The following HMCN1 variants were observed in gnomAD, a reference collection of about 807,000 sequenced individuals.
HMCN1 encodes the protein hemicentin 1.
Under a neutral mutation model 625.9 loss-of-function variants are expected in HMCN1, and 321 were observed. The observed-to-expected ratio is 0.51, with a 90% CI of 0.47 to 0.56. The LOEUF (loss-of-function observed/expected upper bound fraction) is 0.56. HMCN1 is among the 20% of genes least tolerant of loss of function. HMCN1 has a pLI of 0.00. For synonymous variants in HMCN1, 2,425 were observed against 2,417.6 expected (o/e 1.00, Z -0.09); for missense variants, 6,588 against 6,887.3 (o/e 0.96, Z 1.54).
Position 185,923,672 on chromosome 1 carries a change from C to T in HMCN1, c.1285+19C>T. The stretch of plus-strand genomic sequence containing the variant: ...GTCCCAGGTGAGACATCATTTTATT[C>T]AACATTGAAATATTGACAGTTTAAG... On this transcript the variant is annotated intron_variant, in intron 8 of 106. Coordinates refer to ENST00000271588, the MANE Select transcript of HMCN1 (RefSeq NM_031935.3). 1.3e-6 allele frequency: 2 copies of T among 1,581,192 alleles called. No homozygotes were observed. Among genetic ancestry groups the T allele is most frequent in the Non-Finnish European group, 1.7e-6 (2 of 1,160,554 alleles).
intron 79 of HMCN1, 58 bp downstream of exon 79, chr1:186,119,940 G>A (rs2891230): frequency 0.34 from 555,276 of 1,613,322 alleles, 98,937 homozygotes; most frequent in Admixed American, 0.53. Context: ...TTTATAATTC[G>A]AATCAGCATG....
At chr1:185,763,386 G>T (rs989299985) in intron 1 of HMCN1, among the ~76,000 whole-genome samples, 1 of 152,162 alleles carries the variant, frequency 6.6e-6, no homozygotes, top group Non-Finnish European at 1.5e-5. Flanking sequence ...TTGCTGAAAG[G>T]ATCCACTTGA....
intron 52 of HMCN1, among the ~76,000 whole-genome samples, chr1:186,072,454 G>T (rs1281755160): frequency 6.6e-6 from 1 of 152,076 alleles, no homozygotes; most frequent in South Asian, 2.1e-4. Flanking sequence ...TGTTTTAAAT[G>T]CAGGGAATAC....
intron 82 of HMCN1, 27 bp downstream of exon 82, chr1:186,125,821 C>T: frequency 6.4e-7 from 1 of 1,556,080 alleles, no homozygotes; most frequent in Non-Finnish European, 8.9e-7. Context: ...TGAACAGATA[C>T]ATTAAGCCAG....
At chr1:186,105,708 T>A (rs1456873788) in intron 69 of HMCN1, among the ~76,000 whole-genome samples, 1 of 152,192 alleles carries the variant, frequency 6.6e-6, no homozygotes, top group Admixed American at 6.5e-5. Flanking sequence ...AGAAACTAAC[T>A]ACAGGTGATG....
intron 97 of HMCN1, among the ~76,000 whole-genome samples, chr1:186,159,006 A>G (rs1186176645): frequency 9.2e-5 from 14 of 151,810 alleles, no homozygotes; most frequent in Middle Eastern, 3.4e-3. Flanking sequence ...CATCGAATCT[A>G]TAAATTACCT....
chr1:185,948,889 A>G (rs1188388817), intron 11 of HMCN1, among the ~76,000 whole-genome samples: 2 of 151,638 alleles, frequency 1.3e-5, no homozygotes, highest in Non-Finnish European at 2.9e-5. Flanking sequence ...AGAGTGGGAG[A>G]GATTAAGCTG....
chr1:185,928,009 A>G (rs1394745539), intron 9 of HMCN1, among the ~76,000 whole-genome samples: 4 of 152,090 alleles, frequency 2.6e-5, no homozygotes, highest in African/African-American at 9.7e-5. Flanking sequence ...TAACTATAAA[A>G]CTGATCATTT....
chr1:186,112,790 T>C (rs1165121945), intron 71 of HMCN1, 22 bp from the exon 72 acceptor site: 39 of 1,613,902 alleles, frequency 2.4e-5, no homozygotes, highest in Non-Finnish European at 3.2e-5. Context: ...TAACGGCAAA[T>C]TTCTTTACTT....
At chr1:185,736,043 C>T (rs900917304) in intron 1 of HMCN1, among the ~76,000 whole-genome samples, 3 of 152,214 alleles carry the variant, frequency 2.0e-5, no homozygotes, top group African/African-American at 7.2e-5. Context: ...CTCTTCACAA[C>T]GAGAGTGTGA....
At position 186,178,470 on chromosome 1, in the gene HMCN1, C is replaced by G. The variant is rs764282915; in HGVS notation, c.15998C>G (p.Thr5333Ser). The G allele has an allele frequency of 5.0e-6, 8 of 1,613,998 alleles. No individual in the cohort carries two copies. In the Middle Eastern group the frequency reaches 5.0e-4, roughly 100 times the overall value. ...PKPCAHQCSN[T>S]PGSFKCICPP... is the part of the protein sequence containing the mutation. Reference sequence around the variant, plus strand: ...CCTTGTGCACATCAGTGCTCCAACACCCCCGGCAGCTTCAAGTGTATCTGT... The same window carrying G: ...CCTTGTGCACATCAGTGCTCCAACAGCCCCGGCAGCTTCAAGTGTATCTGT... The change falls in exon 104 of 107, where the codon ACC becomes AGC. Residue 5333 changes from threonine (T) to serine (S), a missense_variant. Coordinates refer to ENST00000271588, the MANE Select transcript of HMCN1 (RefSeq NM_031935.3).
rs369300295 is a variant in HMCN1 at position 186,088,161 on chromosome 1, A to T, written c.9462A>T (p.Glu3154Asp). The T allele has an allele frequency of 4.8e-5, 78 of 1,609,564 alleles. No individual in the cohort carries two copies. The highest frequency in any genetic ancestry group is 6.4e-5 in the Non-Finnish European group (75 of 1,177,534). The change falls in exon 62 of 107, where the codon GAA becomes GAT. Residue 3154 changes from glutamate (E) to aspartate (D), a missense_variant. By Grantham distance (45) the Glu-to-Asp change is conservative (BLOSUM62 2). Around this residue, in one of 3 missense-constraint regions of HMCN1, gnomAD observed 4,628 missense variants for 4,853.1 expected, o/e 0.95. Coordinates refer to ENST00000271588, the MANE Select transcript of HMCN1 (RefSeq NM_031935.3). ...HLNVYVPPSI[E>D]GPEREVIVET... is the part of the protein sequence containing the mutation. ...TTTTTACAGTGCCACCCAGTATTGA[A>T]GGACCTGAAAGAGAAGTGATTGTGG...
intron 97 of HMCN1, among the ~76,000 whole-genome samples, chr1:186,159,816 G>A (rs934810673): frequency 5.3e-5 from 8 of 152,106 alleles, no homozygotes; most frequent in East Asian, 3.8e-4. Context: ...TGCTGGATTC[G>A]GTTTGCCAGT....
intron 48 of HMCN1, among the ~76,000 whole-genome samples, chr1:186,063,060 G>GCA (rs1292269616): frequency 5.2e-4 from 40 of 76,422 alleles, no homozygotes; most frequent in African/African-American, 2.5e-3. Flanking sequence ...GTGTGTGTGT[G>GCA]TGTGTGCATA....
At chr1:186,060,204 T>C (rs187694634) in intron 46 of HMCN1, among the ~76,000 whole-genome samples, 4 of 152,174 alleles carry the variant, frequency 2.6e-5, no homozygotes, top group Admixed American at 2.6e-4. Flanking sequence ...AAAAGTTCAA[T>C]GTCAGCTTGT....
chr1:186,025,740 G>A (rs1227063165), intron 36 of HMCN1, among the ~76,000 whole-genome samples: 1 of 152,216 alleles, frequency 6.6e-6, no homozygotes, highest in African/African-American at 2.4e-5. Flanking sequence ...AATCATCAAA[G>A]AGAAGGGGGC....
intron 1 of HMCN1, among the ~76,000 whole-genome samples, chr1:185,797,157 T>G (rs775882216): frequency 1.9e-4 from 29 of 152,256 alleles, no homozygotes; most frequent in Admixed American, 1.4e-3. Context: ...GCAAAATATA[T>G]GTTCATGTCC....
At chr1:185,962,759 G>A (rs984254632) in intron 12 of HMCN1, 100 bp downstream of exon 12, 2 of 776,036 alleles carry the variant, frequency 2.6e-6, no homozygotes, top group Non-Finnish European at 2.4e-6. Flanking sequence ...ATTAAGGGAG[G>A]TTTGACCACA....
At chr1:186,059,134 T>TA (rs1449499704) in intron 46 of HMCN1, among the ~76,000 whole-genome samples, 1 of 152,002 alleles carries the variant, frequency 6.6e-6, no homozygotes, top group African/African-American at 2.4e-5. Context: ...GACAACCTGG[T>TA]AAAAGGTTTG....
Sources: allele counts gnomAD v4.1 joint callset (sites outside exome capture counted in the v4.1 genomes callset), GRCh38; gene constraint gnomAD v4.1.1; regional missense constraint gnomAD v4.1.1; transcripts MANE v1.5; gene names NCBI Gene and HGNC (gene_info 2026-07-23, HGNC 2026-07-21).